ANKS1B: variants seen among roughly 807,000 people sequenced by gnomAD.
ANKS1B encodes the protein ankyrin repeat and sterile alpha motif domain-containing protein 1B.
Under a neutral mutation model 148.3 loss-of-function variants are expected in ANKS1B, and 36 were observed. That is an observed-to-expected ratio of 0.24 (90% confidence interval 0.19 to 0.32). ANKS1B has a LOEUF of 0.32. ANKS1B is among the 10% of genes least tolerant of loss of function. The probability of loss-of-function intolerance (pLI) is 1.00; values close to 1 mark genes in which losing one functional copy is unlikely to be tolerated. For synonymous variants in ANKS1B, 542 were observed against 560.8 expected (o/e 0.97, Z 0.47); for missense variants, 1,157 against 1,542.6 (o/e 0.75, Z 4.19).
chr12:99,780,909 T>C lies in ANKS1B; in HGVS notation c.746-937A>G, dbSNP rs145051722. Among the ~76,000 whole-genome samples, 303 of 152,272 alleles carry C rather than the reference T, an allele frequency of 2.0e-3. 2 individuals carry two copies. Among genetic ancestry groups the C allele is most frequent in the Non-Finnish European group, 3.0e-3 (204 of 68,010 alleles). ...TTGTATTTGTCAGTCACACTAATCA[T>C]CCACCTGACGAGCAAACTTACTGAA... On this transcript the variant is annotated intron_variant, in intron 5 of 26. Transcript: ENST00000683438.
intron 9 of ANKS1B, among the ~76,000 whole-genome samples, chr12:99,589,039 T>C (rs182144920): frequency 6.6e-6 from 1 of 152,314 alleles, no homozygotes; most frequent in African/African-American, 2.4e-5. Flanking sequence ...CTCCTCAAAG[T>C]AGTGCTGTGT....
chr12:99,300,191 T>C (rs2081414363), intron 12 of ANKS1B, among the ~76,000 whole-genome samples: 1 of 152,052 alleles, frequency 6.6e-6, no homozygotes, highest in South Asian at 2.1e-4. Context: ...TAATCAAGGG[T>C]ATTAAAATCC....
intron 17 of ANKS1B, among the ~76,000 whole-genome samples, chr12:98,929,510 C>T (rs948625931): frequency 1.5e-4 from 23 of 152,106 alleles, no homozygotes; most frequent in Non-Finnish European, 3.4e-4. Context: ...AGAACTCATA[C>T]TTCCTGATTT....
intron 9 of ANKS1B, among the ~76,000 whole-genome samples, chr12:99,642,233 G>C (rs1415967817): frequency 6.6e-6 from 1 of 152,152 alleles, no homozygotes; most frequent in African/African-American, 2.4e-5. Context: ...CAGGAAAGCT[G>C]AAATGCATTT....
chr12:99,945,245 T>G (rs2095031276), intron 1 of ANKS1B, among the ~76,000 whole-genome samples: 1 of 151,576 alleles, frequency 6.6e-6, no homozygotes, highest in Non-Finnish European at 1.5e-5. Context: ...ACATTTAACC[T>G]GGGAAGAAAG....
At chr12:99,556,861 G>A (rs2097282025) in intron 9 of ANKS1B, among the ~76,000 whole-genome samples, 1 of 152,226 alleles carries the variant, frequency 6.6e-6, no homozygotes, top group Non-Finnish European at 1.5e-5. Context: ...TTTTCTGGCC[G>A]ATTGTGTGGT....
intron 17 of ANKS1B, among the ~76,000 whole-genome samples, chr12:99,010,756 TA>T (rs200765520): frequency 0.22 from 31,790 of 142,532 alleles, 3,835 homozygotes; most frequent in African/African-American, 0.33. Flanking sequence ...TTATTATTAT[TA>T]TTATTTTTTT....
intron 19 of ANKS1B, among the ~76,000 whole-genome samples, chr12:98,816,378 C>A (rs1269901194): frequency 2.6e-5 from 4 of 152,202 alleles, no homozygotes; most frequent in Non-Finnish European, 5.9e-5. Context: ...TCACTGCAAC[C>A]TCCACCTCCT....
At chr12:99,000,607 A>G (rs1368466208) in intron 17 of ANKS1B, among the ~76,000 whole-genome samples, 2 of 152,158 alleles carry the variant, frequency 1.3e-5, no homozygotes, top group South Asian at 2.1e-4. Flanking sequence ...TTATGCTGTG[A>G]TAAGAACACA....
chr12:99,902,248 C>T (rs2093625375), intron 1 of ANKS1B, among the ~76,000 whole-genome samples: 1 of 152,094 alleles, frequency 6.6e-6, no homozygotes, highest in Admixed American at 6.5e-5. Context: ...ATAAGCCAAC[C>T]ACTCAAAGAG....
At chr12:99,835,749 C>A (rs776471256) in intron 1 of ANKS1B, among the ~76,000 whole-genome samples, 5 of 151,834 alleles carry the variant, frequency 3.3e-5, no homozygotes, top group Non-Finnish European at 7.4e-5. Context: ...TATAATTATT[C>A]CAAGGGGAAA....
intron 17 of ANKS1B, among the ~76,000 whole-genome samples, chr12:99,049,324 C>A (rs1363317999): frequency 1.5e-4 from 23 of 151,362 alleles, no homozygotes; most frequent in Non-Finnish European, 3.2e-4. Flanking sequence ...ACACACACAC[C>A]CACACACTCT....
At chr12:98,756,039 A>G (rs1053435033) in intron 25 of ANKS1B, among the ~76,000 whole-genome samples, 4 of 151,990 alleles carry the variant, frequency 2.6e-5, no homozygotes, top group Non-Finnish European at 2.9e-5. Context: ...ACTCTGGGGG[A>G]ATTAGTCATG....
At chr12:99,630,770 T>C (rs1312624842) in intron 9 of ANKS1B, among the ~76,000 whole-genome samples, 1 of 152,186 alleles carries the variant, frequency 6.6e-6, no homozygotes, top group Admixed American at 6.5e-5. Context: ...TGCCCCGCGT[T>C]GCCTTGGGAC....
chr12:99,584,099 G>C (rs773574476), intron 9 of ANKS1B, among the ~76,000 whole-genome samples: 26 of 152,116 alleles, frequency 1.7e-4, no homozygotes, highest in Non-Finnish European at 1.2e-4. Flanking sequence ...AATGTAAAAA[G>C]GTAGGCAGAG....
At chr12:99,637,144 A>G (rs2098245955) in intron 9 of ANKS1B, among the ~76,000 whole-genome samples, 1 of 152,106 alleles carries the variant, frequency 6.6e-6, no homozygotes, top group Non-Finnish European at 1.5e-5. Flanking sequence ...TGTCTCTACT[A>G]AAAATACAAA....
chr12:98,742,502 C>T (rs756445953), downstream of ANKS1B, among the ~76,000 whole-genome samples: 13 of 152,214 alleles, frequency 8.5e-5, no homozygotes, highest in Non-Finnish European at 1.5e-4. Flanking sequence ...AGAAGCAACT[C>T]TAAGGAAAGT....
At chr12:99,908,980 C>A (rs1337424436) in intron 1 of ANKS1B, among the ~76,000 whole-genome samples, 1 of 152,062 alleles carries the variant, frequency 6.6e-6, no homozygotes, top group African/African-American at 2.4e-5. Context: ...CAACTTTGTA[C>A]CTTTTGACAT....
chr12:98,788,138 C>T (rs1291151434), intron 22 of ANKS1B, among the ~76,000 whole-genome samples: 1 of 150,232 alleles, frequency 6.7e-6, no homozygotes, highest in Non-Finnish European at 1.5e-5. Context: ...GGTGTGGTGG[C>T]TCACGCCTGT....
Sources: gnomAD v4.1 joint callset for allele counts (sites outside exome capture counted in the v4.1 genomes callset) on GRCh38, gnomAD v4.1.1 for gene constraint, MANE v1.5 for transcripts, NCBI Gene and HGNC (gene_info 2026-07-23, HGNC 2026-07-21) for gene names.